The following ZNF407 variants were observed in gnomAD, a reference collection of about 807,000 sequenced individuals.
The protein encoded by ZNF407 is zinc finger protein 407.
A neutral mutation model predicts 131.2 loss-of-function variants in ZNF407; 17 were observed. The observed-to-expected ratio is 0.13, with a 90% CI of 0.09 to 0.19. ZNF407 has a LOEUF of 0.19. ZNF407 is among the 10% of genes least tolerant of loss of function. ZNF407 has a pLI of 1.00. For synonymous variants in ZNF407, 1,156 were observed against 1,062.0 expected, an observed-to-expected ratio of 1.09 and a Z score of -1.72; for missense variants, 2,681 against 2,830.6, an observed-to-expected ratio of 0.95 and a Z score of 1.20.
intron 4 of ZNF407, among the ~76,000 whole-genome samples, chr18:74,839,624 G>A (rs1302044798): frequency 6.6e-6 from 1 of 152,128 alleles, no homozygotes; most frequent in East Asian, 1.9e-4. Context: ...TGAATAACTT[G>A]GGACTATAGC....
rs780625964 is a variant in ZNF407 at position 74,632,017 on chromosome 18, G to A, written c.998G>A (p.Ser333Asn). Reference protein sequence around the residue: ...VGSTFKDFRGSISKQSGSSSE... With the variant: ...VGSTFKDFRGNISKQSGSSSE... ...AGCACGTTTAAAGATTTCAGAGGAA[G>A]TATTTCTAAACAAAGTGGTAGTAGC... is the stretch of plus-strand genomic sequence containing the variant. Residue 333 changes from serine to asparagine, a missense_variant, in exon 2 of 9, where the codon AGT becomes AAT. Ser to Asn is a conservative substitution (Grantham distance 46). Around this residue, in one of 6 missense-constraint regions of ZNF407, gnomAD observed 1,789 missense variants for 1,748.7 expected, o/e 1.02. Coordinates refer to ENST00000299687, the MANE Select transcript of ZNF407 (RefSeq NM_017757.3). The A allele has an allele frequency of 6.2e-7, 1 of 1,613,864 alleles. No individual in the cohort carries two copies. The highest frequency in any genetic ancestry group is 1.7e-5 in the Admixed American group (1 of 60,010).
intron 3 of ZNF407, among the ~76,000 whole-genome samples, chr18:74,750,880 G>A (rs890594749): frequency 1.3e-5 from 2 of 152,090 alleles, no homozygotes; most frequent in African/African-American, 4.8e-5. Flanking sequence ...CTCACCTGAT[G>A]TGTTTGAAGT....
intron 4 of ZNF407, among the ~76,000 whole-genome samples, chr18:74,792,626 A>G (rs1471354467): frequency 6.6e-6 from 1 of 152,040 alleles, no homozygotes; most frequent in Non-Finnish European, 1.5e-5. Context: ...TTTAAAATTA[A>G]TACTTATAAT....
chr18:74,852,648 A>G (rs1234310532), intron 4 of ZNF407, among the ~76,000 whole-genome samples: 1 of 152,162 alleles, frequency 6.6e-6, no homozygotes, highest in African/African-American at 2.4e-5. Flanking sequence ...ATAATATCAA[A>G]TATCTGTCAA....
chr18:75,058,005 G>A (rs1469375519), intron 8 of ZNF407, among the ~76,000 whole-genome samples: 1 of 152,118 alleles, frequency 6.6e-6, no homozygotes, highest in Non-Finnish European at 1.5e-5. Context: ...AACAAATGAT[G>A]ACAGTAAGGA....
intron 3 of ZNF407, among the ~76,000 whole-genome samples, chr18:74,731,736 GGAGT>G (rs1301756625): frequency 1.3e-5 from 2 of 152,118 alleles, no homozygotes; most frequent in African/African-American, 4.8e-5. Flanking sequence ...GAGTCATAGA[GGAGT>G]GAGTGTCAAA....
rs201760123 is a variant in ZNF407 at position 74,721,007 on chromosome 18, G to GT, written c.4803-60412dup. On this transcript the variant is annotated intron_variant, in intron 3 of 8. Coordinates refer to ENST00000299687, the MANE Select transcript of ZNF407 (RefSeq NM_017757.3). ...TTGTGGTTTCATTAACATTTTCAGA[G>GT]TTTTTTTTTCTATTTGGGTGAAGAA... 7.5e-3 allele frequency among the ~76,000 whole-genome samples: 1,116 copies of GT among 148,724 alleles called. 13 individuals carry two copies. The highest frequency in any genetic ancestry group is 0.024 in the African/African-American group (953 of 40,420).
Position 74,634,953 on chromosome 18 carries a change from T to G in ZNF407, c.3934T>G (p.Ser1312Ala). ...GGGGAATAAGGAAATTCTGATGAAT[T>G]CACAACATGAAACAGAATTTATTTT... ...VLGNKEILMN[S>A]QHETEFILEE... The change falls in exon 2 of 9, where the codon TCA becomes GCA. Residue 1312 changes from serine to alanine, a missense_variant. Physicochemically the swap from Ser to Ala is moderately conservative, Grantham distance 99. Around this residue, in one of 6 missense-constraint regions of ZNF407, gnomAD observed 1,789 missense variants for 1,748.7 expected, o/e 1.02. Transcript: ENST00000299687. 1 of 1,613,982 alleles carries G rather than the reference T, an allele frequency of 6.2e-7. No homozygotes were observed. Among genetic ancestry groups the G allele is most frequent in the Non-Finnish European group, 8.5e-7 (1 of 1,179,904 alleles).
intron 4 of ZNF407, among the ~76,000 whole-genome samples, chr18:74,833,477 C>G (rs980309837): frequency 6.6e-6 from 1 of 152,172 alleles, no homozygotes; most frequent in Non-Finnish European, 1.5e-5. Context: ...TGAGAGGGAC[C>G]TGCAGGATGC....
At chr18:74,744,320 A>G (rs933730323) in intron 3 of ZNF407, among the ~76,000 whole-genome samples, 3 of 152,088 alleles carry the variant, frequency 2.0e-5, no homozygotes, top group African/African-American at 7.2e-5. Context: ...GAGTGGATTG[A>G]TGGCTTATGA....
At chr18:74,889,873 AGTT>A (rs1300210694) in intron 6 of ZNF407, 42 bp from the exon 7 acceptor site, 3 of 1,546,828 alleles carry the variant, frequency 1.9e-6, no homozygotes, top group African/African-American at 1.4e-5. Flanking sequence ...CTTCATTTCC[AGTT>A]GTTATTATTA....
chr18:74,619,044 A>G (rs36179470), intron 1 of ZNF407, among the ~76,000 whole-genome samples: 127,450 of 152,134 alleles, frequency 0.84, 53,645 homozygotes, highest in Middle Eastern at 0.9. Flanking sequence ...ATCTCTTCTC[A>G]TGGACCCAGT....
Position 75,063,218 on chromosome 18 carries a change from C to A in ZNF407, c.5497C>A (p.Pro1833Thr). Reference sequence around the variant, plus strand: ...AGCCACCTTCGTGGAGACAGACAGCCCCTTCACCGCGGCGGCCTTGGCAGA... The same window carrying A: ...AGCCACCTTCGTGGAGACAGACAGCACCTTCACCGCGGCGGCCTTGGCAGA... ...QGATFVETDS[P>T]FTAAALAEEP... The change falls in exon 9 of 9, where the codon CCC becomes ACC. Residue 1833 changes from proline to threonine, a missense_variant. Transcript: ENST00000299687. This position sits in a 1 kb window ranked among gnomAD's most constrained non-coding sequence, Gnocchi z 6.6. 6.2e-7 allele frequency: 1 copy of A among 1,613,042 alleles called. No individual in the cohort carries two copies. Among genetic ancestry groups the A allele is most frequent in the Non-Finnish European group, 8.5e-7 (1 of 1,179,554 alleles).
At position 74,867,192 on chromosome 18, in the gene ZNF407, T is replaced by C. The variant is rs143352537; in HGVS notation, c.4878-10005T>C. On this transcript the variant is annotated intron_variant, in intron 4 of 8. Transcript: ENST00000299687. The stretch of plus-strand genomic sequence containing the variant: ...ATAAATTTAAATCCCATGTGTTTTG[T>C]GTCTAATGCAGACACTACTTATGAT... Among the ~76,000 whole-genome samples the C allele has an allele frequency of 5.5e-3, 832 of 152,302 alleles. 7 individuals are homozygous for C. Among genetic ancestry groups the C allele is most frequent in the African/African-American group, 0.019 (791 of 41,574 alleles).
chr18:74,743,447 T>C (rs1394515802), intron 3 of ZNF407, among the ~76,000 whole-genome samples: 1 of 152,124 alleles, frequency 6.6e-6, no homozygotes, highest in Non-Finnish European at 1.5e-5. Context: ...TAAGATAATA[T>C]GATGGTAATG....
intron 4 of ZNF407, among the ~76,000 whole-genome samples, chr18:74,825,144 T>C (rs1351949427): frequency 6.6e-6 from 1 of 152,186 alleles, no homozygotes. Context: ...AGAAAAGGCC[T>C]GTGACACAAT....
intron 6 of ZNF407, among the ~76,000 whole-genome samples, chr18:74,881,621 A>G (rs943578825): frequency 3.3e-5 from 5 of 151,782 alleles, no homozygotes; most frequent in Non-Finnish European, 7.4e-5. Context: ...CTATCAATCC[A>G]TCTGTGATTA....
intron 3 of ZNF407, among the ~76,000 whole-genome samples, chr18:74,651,119 G>A (rs908414215): frequency 1.3e-5 from 2 of 152,054 alleles, no homozygotes; most frequent in Non-Finnish European, 2.9e-5. Context: ...TTTTATGCAA[G>A]TTATGATTAA....
At chr18:74,716,972 C>T (rs1472624991) in intron 3 of ZNF407, among the ~76,000 whole-genome samples, 1 of 152,022 alleles carries the variant, frequency 6.6e-6, no homozygotes, top group African/African-American at 2.4e-5. Context: ...ATATGTGTAC[C>T]ATGTGTAATG....
Sources: gnomAD v4.1 joint callset for allele counts (sites outside exome capture counted in the v4.1 genomes callset) on GRCh38, gnomAD v4.1.1 for gene constraint, gnomAD v4.1.1 regional missense constraint, Gnocchi (gnomAD v3.1) non-coding constraint, MANE v1.5 for transcripts, NCBI Gene and HGNC (gene_info 2026-07-23, HGNC 2026-07-21) for gene names.